KRT14: variants seen among roughly 807,000 people sequenced by gnomAD.
KRT14 encodes keratin 14.
KRT14 carries 30 observed loss-of-function variants against 44.5 expected under a neutral mutation model. The ratio of observed to expected loss-of-function variants is 0.67; its 90% confidence interval spans 0.50 to 0.92. The LOEUF (loss-of-function observed/expected upper bound fraction) is 0.92, where lower values mean the gene tolerates loss of function less well. KRT14 is among the 40% of genes least tolerant of loss of function. The pLI, the probability that KRT14 is intolerant of heterozygous loss-of-function variation, is 0.00. For synonymous variants in KRT14, 241 were observed against 257.6 expected, an observed-to-expected ratio of 0.94 and a Z score of 0.62; for missense variants, 535 against 640.6, an observed-to-expected ratio of 0.84 and a Z score of 1.78.
At chr17:41,584,048 TCA>T in intron 3 of KRT14, 127 bp from the exon 4 acceptor site, 1 of 586,866 alleles carries the variant, frequency 1.7e-6, no homozygotes, top group African/African-American at 2.4e-5. Context: ...TCTCTCTCTC[TCA>T]ATCTCTCTCT....
chr17:41,586,171 G>A (rs750770083), intron 1 of KRT14, 139 bp downstream of exon 1: 31 of 1,061,142 alleles, frequency 2.9e-5, no homozygotes, highest in Non-Finnish European at 2.9e-6. Context: ...TCAGTCTTAG[G>A]GCATCCAAGA....
intron 3 of KRT14, 82 bp from the exon 4 acceptor site, chr17:41,584,003 C>G: frequency 7.0e-7 from 1 of 1,437,976 alleles, no homozygotes; most frequent in Non-Finnish European, 9.8e-7. Context: ...TACTGCCCTC[C>G]CACCATCACA....
chr17:41,583,054 G>A (rs982941278), intron 7 of KRT14, 40 bp downstream of exon 7: 2 of 1,585,640 alleles, frequency 1.3e-6, no homozygotes, highest in African/African-American at 1.3e-5. Flanking sequence ...GGTACAGAGG[G>A]TGGCCTGGAG....
chr17:41,585,134 T>C (rs1567737482), intron 1 of KRT14, 77 bp from the exon 2 acceptor site: 7 of 1,108,896 alleles, frequency 6.3e-6, no homozygotes, highest in Middle Eastern at 2.8e-4. Context: ...TACATTAAGC[T>C]CTTGCTTCAT....
At position 41,585,197 on chromosome 17, in the gene KRT14, A is replaced by G. The variant is rs1384718395; in HGVS notation, c.526-140T>C. ...CACAAAACTTGACCATAGCAGCCCA[A>G]AGGAAAACAGATGCCCCAGGCCTGT... On this transcript the variant is annotated intron_variant, in intron 1 of 7. Coordinates refer to ENST00000167586, the MANE Select transcript of KRT14 (RefSeq NM_000526.5). The G allele has an allele frequency of 2.1e-5, 15 of 719,728 alleles. No homozygotes were observed. The Admixed American group carries it at 2.4e-4, about 12-fold the overall frequency. The allele number at this position is 719,728 out of a possible 1,614,324, so 44.6% of individuals were successfully genotyped here.
At chr17:41,584,438 A>G (rs1237667318) in intron 2 of KRT14, 25 bp from the exon 3 acceptor site, 1 of 1,613,306 alleles carries the variant, frequency 6.2e-7, no homozygotes. Context: ...GAGAAAAGGT[A>G]TGAGACACCC....
Position 41,583,050 on chromosome 17 carries a change from G to C in KRT14, c.1321+44C>G, listed in dbSNP as rs113794908. 3.1e-6 allele frequency: 5 copies of C among 1,590,828 alleles called. No individual in the cohort carries two copies. In the Admixed American group the frequency reaches 6.7e-5, roughly 21 times the overall value. Reference sequence around the variant, plus strand: ...AATGCCTAGACCTGCTTGGGGTACAGAGGGTGGCCTGGAGCCCAGGCCTGC... The same window carrying C: ...AATGCCTAGACCTGCTTGGGGTACACAGGGTGGCCTGGAGCCCAGGCCTGC... On this transcript the variant is annotated intron_variant, in intron 7 of 7. Coordinates refer to ENST00000167586, the MANE Select transcript of KRT14 (RefSeq NM_000526.5).
intron 1 of KRT14, among the ~76,000 whole-genome samples, chr17:41,586,083 A>G (rs1246213655): frequency 6.6e-6 from 1 of 152,216 alleles, no homozygotes; most frequent in Non-Finnish European, 1.5e-5. Flanking sequence ...GATAGGAATC[A>G]CTGATCTCAC....
rs1272288927 is a variant in KRT14, at chr17:41,586,413, G to A, written c.422C>T (p.Ala141Val). The change falls in exon 1 of 8, where the codon GCC (alanine) becomes GTC (valine). Residue 141 changes from alanine to valine, a missense_variant. Physicochemically the swap from Ala to Val is moderately conservative, Grantham distance 64. Transcript: ENST00000167586. ...GTCACGGATCTTCACTTCCAGGTCGGCGTTGGCCTCCTCCAGAGCACGCAC... is the reference window on the plus strand; with the variant it reads ...GTCACGGATCTTCACTTCCAGGTCGACGTTGGCCTCCTCCAGAGCACGCAC... ...DKVRALEEAN[A>V]DLEVKIRDWY... The A allele has an allele frequency of 6.2e-7, 1 of 1,614,062 alleles. No homozygotes were observed. Among genetic ancestry groups the A allele is most frequent in the South Asian group, 1.1e-5 (1 of 91,074 alleles).
rs757852003 is a variant in KRT14, at chr17:41,586,465, C to T, written c.370G>A (p.Asp124Asn). The T allele has an allele frequency of 2.5e-6, 4 of 1,614,118 alleles. No homozygotes were observed. The highest frequency in any genetic ancestry group is 1.7e-5 in the Admixed American group (1 of 60,018). ...TTGTCCAGGTAGGAGGCCAGGCGGT[C>T]ATTGAGGTTCTGCATGGTCACCTTC... ...SEKVTMQNLN[D>N]RLASYLDKVR... Residue 124 changes from aspartate to asparagine, a missense_variant, in exon 1 of 8, where the codon GAC (aspartate) becomes AAC (asparagine). By Grantham distance (23) the Asp-to-Asn change is conservative. Transcript: ENST00000167586.
Position 41,584,097 on chromosome 17 carries a change from T to C in KRT14, c.765+160A>G, listed in dbSNP as rs1305100499. Reference sequence around the variant, plus strand: ...TTTTTTTTTTTTTTTTTTTTTTTTTTTGGACAGGGTCTAGCCTTGTTGCCC... The same window carrying C: ...TTTTTTTTTTTTTTTTTTTTTTTTTCTGGACAGGGTCTAGCCTTGTTGCCC... On this transcript the variant is annotated intron_variant, in intron 3 of 7. Coordinates refer to ENST00000167586, the MANE Select transcript of KRT14 (RefSeq NM_000526.5). 7.8e-5 allele frequency among the ~76,000 whole-genome samples: 11 copies of C among 140,142 alleles called. No homozygotes were observed. The Admixed American group carries it at 7.9e-4, about 10-fold the overall frequency. The allele number at this position is 140,142 out of a possible 152,430, so 91.9% of individuals were successfully genotyped here. A position where few individuals can be genotyped will look rare whatever the true frequency, so the allele number is the denominator to read the frequency against.
In KRT14 at chr17:41,586,371, C is replaced by T. The variant is rs371122572; in HGVS notation, c.464G>A (p.Arg155Gln). 8.1e-6 allele frequency: 13 copies of T among 1,613,260 alleles called. No homozygotes were observed. The highest frequency in any genetic ancestry group is 2.7e-5 in the African/African-American group (2 of 74,888). ...ACTGTAGTCTTTGATCTCAGCAGGC[C>T]GCTGCCTCTGGTACCAGTCACGGAT... ...VKIRDWYQRQ[R>Q]PAEIKDYSPY... The change falls in exon 1 of 8, where the codon CGG becomes CAG. Residue 155 changes from arginine (R) to glutamine (Q), a missense_variant. Coordinates refer to ENST00000167586, the MANE Select transcript of KRT14 (RefSeq NM_000526.5).
chr17:41,585,103 A>G, intron 1 of KRT14, 46 bp from the exon 2 acceptor site: 1 of 1,375,532 alleles, frequency 7.3e-7, no homozygotes, highest in Non-Finnish European at 1.0e-6. Flanking sequence ...TGGACTTCAC[A>G]AGCTGGACTT....
In KRT14 at chr17:41,583,669, T is replaced by G. The variant is rs765568119; in HGVS notation, c.935A>C (p.Glu312Ala). 25 of 1,614,024 alleles carry G rather than the reference T, an allele frequency of 1.5e-5. No homozygotes were observed. The highest frequency in any genetic ancestry group is 2.0e-5 in the Non-Finnish European group (24 of 1,180,012). ...AEEWFFTKTE[E>A]LNREVATNSE... ...GTTGGTGGCCACCTCGCGGTTCAGC[T>G]CCTCTGTCTGCAAAAAAGAGAATGC... is the stretch of plus-strand genomic sequence containing the variant. The change falls in exon 5 of 8, where the codon GAG becomes GCG. Residue 312 changes from glutamate to alanine, a missense_variant. Glu to Ala is a moderately radical substitution (Grantham distance 107). Transcript: ENST00000167586.
chr17:41,584,237 C>T lies in KRT14; in HGVS notation c.765+20G>A. On this transcript the variant is annotated intron_variant, in intron 3 of 7. Coordinates refer to ENST00000167586, the MANE Select transcript of KRT14 (RefSeq NM_000526.5). ...CCTCCCTGCATTTCTTTTAAGCTGA[C>T]TTTTCCATATAGTTCTCACCTCCTC... is the stretch of plus-strand genomic sequence containing the variant. 6.2e-7 allele frequency: 1 copy of T among 1,613,642 alleles called. No homozygotes were observed. Among genetic ancestry groups the T allele is most frequent in the Non-Finnish European group, 8.5e-7 (1 of 1,179,858 alleles).
chr17:41,586,685 C>G lies in KRT14; in HGVS notation c.150G>C (p.Leu50=). ...AGGAGAAGCGGGAGGATGAGACAGACAGGCCGCCCCCGTAGGTGCTGGGGG... is the reference window on the plus strand; with the variant it reads ...AGGAGAAGCGGGAGGATGAGACAGAGAGGCCGCCCCCGTAGGTGCTGGGGG... The part of the protein sequence containing the change: ...CRAPSTYGGG[L]SVSSSRFSSG... The change falls in exon 1 of 8, where the codon CTG becomes CTC. Residue 50 remains leucine, a synonymous_variant. Transcript: ENST00000167586. 2 of 1,596,472 alleles carry G rather than the reference C, an allele frequency of 1.3e-6. No homozygotes were observed. Among genetic ancestry groups the G allele is most frequent in the Non-Finnish European group, 1.7e-6 (2 of 1,171,740 alleles).
chr17:41,582,426 T>G lies in KRT14; in HGVS notation c.*9A>C. On this transcript the variant is annotated 3_prime_UTR_variant, in exon 8 of 8. Transcript: ENST00000167586. ...GGGGCCTCCTAGGCCTGAGCGGGGCTGGGCAGCCTCAGTTCTTGGTGCGAA... is the reference window on the plus strand; with the variant it reads ...GGGGCCTCCTAGGCCTGAGCGGGGCGGGGCAGCCTCAGTTCTTGGTGCGAA... 6.4e-7 allele frequency: 1 copy of G among 1,555,174 alleles called. No individual in the cohort carries two copies. Among genetic ancestry groups the G allele is most frequent in the East Asian group, 2.4e-5 (1 of 41,396 alleles).
At position 41,586,887 on chromosome 17, in the gene KRT14, T is replaced by G. The variant is rs1183763250; in HGVS notation, c.-53A>C. The G allele has an allele frequency of 6.5e-7, 1 of 1,538,846 alleles. No homozygotes were observed. Among genetic ancestry groups the G allele is most frequent in the Non-Finnish European group, 8.7e-7 (1 of 1,145,982 alleles). On this transcript the variant is annotated 5_prime_UTR_variant, in exon 1 of 8. Transcript: ENST00000167586. ...AGCAGTTGGCTGAGTGAAGAGAAGG[T>G]GCTCGGGTAAATTGGAAAGGGATGC...
chr17:41,582,780 G>C, intron 7 of KRT14: 1 of 604,018 alleles, frequency 1.7e-6, no homozygotes, highest in East Asian at 2.8e-5. Context: ...GCTCACACCT[G>C]GCTGGTTCCA....
Sources: allele counts gnomAD v4.1 joint callset (sites outside exome capture counted in the v4.1 genomes callset), GRCh38; gene constraint gnomAD v4.1.1; transcripts MANE v1.5; gene names NCBI Gene and HGNC (gene_info 2026-07-23, HGNC 2026-07-21).